KANK1: variants seen among roughly 807,000 people sequenced by gnomAD.
The protein encoded by KANK1 is KN motif and ankyrin repeat domains 1.
In KANK1, 109 loss-of-function variants were observed where a neutral mutation model predicts 106.2. The observed-to-expected ratio is 1.03, with a 90% CI of 0.88 to 1.20. The LOEUF (loss-of-function observed/expected upper bound fraction) is 1.20. Among genes scored for constraint, KANK1 ranks in the 50% most tolerant of loss-of-function variants. The pLI, the probability that KANK1 is intolerant of heterozygous loss-of-function variation, is 0.00. For synonymous variants in KANK1, 873 were observed against 652.2 expected (o/e 1.34, Z -5.16); for missense variants, 2,399 against 1,710.7 (o/e 1.40, Z -7.10).
chr9:664,257 AG>A (rs1258167289), intron 1 of KANK1, among the ~76,000 whole-genome samples: 5 of 152,122 alleles, frequency 3.3e-5, no homozygotes, highest in Non-Finnish European at 5.9e-5. Flanking sequence ...GGTAACCACT[AG>A]TCTACTCTCT....
rs560138811 is a variant in KANK1 at position 514,191 on chromosome 9, C to T, written c.-84+9437C>T. On this transcript the variant is annotated intron_variant, in intron 1 of 11. Transcript: ENST00000382297. ...CTCTCCCTCCCTTCCTCTCTCCCTC[C>T]CTTCCTCCCTCCCTCTCTCCCTCCC... 4.0e-4 allele frequency among the ~76,000 whole-genome samples: 29 copies of T among 72,642 alleles called. 1 individual carries two copies. The highest frequency in any genetic ancestry group is 9.7e-4 in the African/African-American group (7 of 7,222). The allele number at this position is 72,642 out of a possible 152,430, so 47.7% of individuals were successfully genotyped here.
At chr9:716,079 A>C (rs1313858831) in intron 3 of KANK1, among the ~76,000 whole-genome samples, 5 of 152,212 alleles carry the variant, frequency 3.3e-5, no homozygotes, top group Non-Finnish European at 7.3e-5. Context: ...TTTTCCCCAA[A>C]TAAAACAGTA....
intron 3 of KANK1, among the ~76,000 whole-genome samples, chr9:713,894 C>T (rs118120405): frequency 0.033 from 5,010 of 152,206 alleles, 172 homozygotes; most frequent in Admixed American, 0.077. Flanking sequence ...TCAGTTAAAA[C>T]GTTTATGAGA....
At position 712,744 on chromosome 9, in the gene KANK1, G is replaced by C; in HGVS notation, c.1978G>C (p.Ala660Pro). The C allele has an allele frequency of 6.2e-7, 1 of 1,613,966 alleles. No homozygotes were observed. The highest frequency in any genetic ancestry group is 8.5e-7 in the Non-Finnish European group (1 of 1,179,954). The part of the protein sequence containing the change: ...VNTEAVSQVE[A>P]AVMAVPRTAD... ...CACTGAGGCTGTTAGCCAGGTGGAA[G>C]CTGCCGTCATGGCAGTGCCTCGTAC... The change falls in exon 3 of 12, where the codon GCT becomes CCT. Residue 660 changes from alanine (A) to proline (P), a missense_variant. By Grantham distance (27) the Ala-to-Pro change is conservative (BLOSUM62 -1). Transcript: ENST00000382297.
intron 1 of KANK1, among the ~76,000 whole-genome samples, chr9:561,938 G>T (rs1259613757): frequency 6.6e-6 from 1 of 151,790 alleles, no homozygotes; most frequent in Admixed American, 6.6e-5. Context: ...ACGCAATGCT[G>T]TTAGGTTGCA....
intron 2 of KANK1, among the ~76,000 whole-genome samples, chr9:702,657 T>A (rs1204281412): frequency 6.6e-6 from 1 of 152,038 alleles, no homozygotes; most frequent in East Asian, 1.9e-4. Flanking sequence ...TCCTATTGAA[T>A]GTAGCCTCTT....
intron 1 of KANK1, among the ~76,000 whole-genome samples, chr9:576,560 G>C (rs1180989127): frequency 6.6e-6 from 1 of 152,182 alleles, no homozygotes; most frequent in Non-Finnish European, 1.5e-5. Flanking sequence ...TCAGTCTTGA[G>C]AGCAGGCTCA....
chr9:481,117 G>C (rs1185658000), intron 3 of KANK1, among the ~76,000 whole-genome samples: 3 of 152,300 alleles, frequency 2.0e-5, no homozygotes, highest in African/African-American at 4.8e-5. Flanking sequence ...ATAAAGTGTA[G>C]AATATCTCAT....
intron 9 of KANK1, among the ~76,000 whole-genome samples, chr9:741,341 A>G (rs549385699): frequency 2.7e-5 from 4 of 150,490 alleles, no homozygotes; most frequent in African/African-American, 9.8e-5. Context: ...TTTTTTTAAG[A>G]GACGGTCTTG....
At chr9:652,444 A>T (rs924112100) in intron 1 of KANK1, among the ~76,000 whole-genome samples, 1 of 152,204 alleles carries the variant, frequency 6.6e-6, no homozygotes, top group African/African-American at 2.4e-5. Flanking sequence ...AATCACTTGA[A>T]TCTGGTAGGC....
chr9:741,942 C>G (rs1835691638), intron 9 of KANK1, among the ~76,000 whole-genome samples: 1 of 152,190 alleles, frequency 6.6e-6, no homozygotes, highest in Admixed American at 6.5e-5. Flanking sequence ...TTAACCACCA[C>G]CTGAACTTCC....
intron 2 of KANK1, among the ~76,000 whole-genome samples, chr9:688,083 C>G (rs1471866531): frequency 6.6e-6 from 1 of 152,206 alleles, no homozygotes; most frequent in Non-Finnish European, 1.5e-5. Context: ...CTGAGCCCTG[C>G]CAGTTGCCAA....
At chr9:628,860 C>G (rs913549490) in intron 1 of KANK1, among the ~76,000 whole-genome samples, 1 of 152,068 alleles carries the variant, frequency 6.6e-6, no homozygotes, top group Non-Finnish European at 1.5e-5. Flanking sequence ...GCGCAGATCA[C>G]TTGAGGCCAG....
chr9:579,938 T>C (rs1821596378), intron 1 of KANK1, among the ~76,000 whole-genome samples: 1 of 152,178 alleles, frequency 6.6e-6, no homozygotes, highest in Non-Finnish European at 1.5e-5. Context: ...GCTTCATGAC[T>C]GTCAGCATCT....
chr9:613,412 C>G (rs1232953725), intron 1 of KANK1, among the ~76,000 whole-genome samples: 3 of 151,708 alleles, frequency 2.0e-5, no homozygotes, highest in African/African-American at 7.3e-5. Flanking sequence ...TGGCCCAGGA[C>G]AGCTTTGAAT....
chr9:566,078 C>T (rs1817731143), intron 1 of KANK1, among the ~76,000 whole-genome samples: 1 of 152,200 alleles, frequency 6.6e-6, no homozygotes, highest in South Asian at 2.1e-4. Context: ...CATGTGTTCT[C>T]ATCATTTAGC....
chr9:597,394 T>TA lies in KANK1; in HGVS notation c.-83-79495dup, dbSNP rs1206968737. On this transcript the variant is annotated intron_variant, in intron 1 of 11. Transcript: ENST00000382297. The stretch of plus-strand genomic sequence containing the variant: ...ATTTATTTTCCCTTTTTAAAAAAAT[T>TA]ATAGTCGTCCTTGTGGGTATAAAGT... 2.0e-5 allele frequency among the ~76,000 whole-genome samples: 3 copies of TA among 152,024 alleles called. No individual in the cohort carries two copies. In the East Asian group the frequency reaches 5.8e-4, roughly 29 times the overall value.
At chr9:523,754 T>C (rs1325469550) in intron 1 of KANK1, among the ~76,000 whole-genome samples, 2 of 151,714 alleles carry the variant, frequency 1.3e-5, no homozygotes, top group Admixed American at 6.5e-5. Flanking sequence ...GTGCTGTGAT[T>C]ATTCAGAGTT....
chr9:678,532 C>T (rs1816857308), intron 2 of KANK1, among the ~76,000 whole-genome samples: 1 of 152,016 alleles, frequency 6.6e-6, no homozygotes. Flanking sequence ...AGTTCAAGAC[C>T]AGCCTGGCCA....
Sources: allele counts gnomAD v4.1 joint callset (sites outside exome capture counted in the v4.1 genomes callset), GRCh38; gene constraint gnomAD v4.1.1; transcripts MANE v1.5; gene names NCBI Gene and HGNC (gene_info 2026-07-23, HGNC 2026-07-21).